Variants in APTX observed in about 807,000 individuals in gnomAD.
The protein encoded by APTX is aprataxin, also known as forkhead-associated domain histidine triad-like protein.
A neutral mutation model predicts 42.3 loss-of-function variants in APTX; 33 were observed. That is an observed-to-expected ratio of 0.78 (90% CI 0.59 to 1.04). The LOEUF is 1.04. Ranked by LOEUF, APTX falls within the 50% of genes least tolerant of loss-of-function variation. The pLI is 0.00. For synonymous variants in APTX, 130 were observed against 146.7 expected (o/e 0.89, Z 0.82); for missense variants, 421 against 415.1 (o/e 1.01, Z -0.12).
intron 1 of APTX, among the ~76,000 whole-genome samples, chr9:33,023,451 G>T (rs947430780): frequency 1.3e-5 from 2 of 151,454 alleles, no homozygotes; most frequent in African/African-American, 4.8e-5. Flanking sequence ...CTAGAACTCC[G>T]GATCTCAGGT....
At position 32,973,054 on chromosome 9, in the gene APTX, A is replaced by T. The variant is rs1323300103; in HGVS notation, c.*444T>A. On this transcript the variant is annotated 3_prime_UTR_variant, in exon 8 of 8. Coordinates refer to ENST00000379817, the MANE Select transcript of APTX (RefSeq NM_001195248.2). Reference sequence around the variant, plus strand: ...ATATTACAAAACAGACTAACAGAAAACAAGACCCATCAGTATCTTCAGGAT... The same window carrying T: ...ATATTACAAAACAGACTAACAGAAATCAAGACCCATCAGTATCTTCAGGAT... The T allele has an allele frequency of 6.6e-6, 3 of 454,462 alleles. No homozygotes were observed. The highest frequency in any genetic ancestry group is 1.3e-5 in the Non-Finnish European group (3 of 227,110). The allele number at this position is 454,462 out of a possible 1,614,324, so 28.2% of individuals were successfully genotyped here.
intron 1 of APTX, among the ~76,000 whole-genome samples, chr9:33,011,255 A>G (rs1345114896): frequency 2.0e-5 from 3 of 152,220 alleles, no homozygotes; most frequent in Non-Finnish European, 4.4e-5. Flanking sequence ...GAAATGAGAA[A>G]CCATTAAAGG....
Position 32,982,116 on chromosome 9 carries a change from T to C in APTX, c.770+2515A>G, listed in dbSNP as rs563461345. ...ACATCATGCCCCCCCATATGACATATTGAGAAGGACACAATCAGAAATATC... is the reference window on the plus strand; with the variant it reads ...ACATCATGCCCCCCCATATGACATACTGAGAAGGACACAATCAGAAATATC... On this transcript the variant is annotated intron_variant, in intron 6 of 7. Transcript: ENST00000379817. 2.0e-5 allele frequency among the ~76,000 whole-genome samples: 3 copies of C among 152,118 alleles called. No individual in the cohort carries two copies. In the East Asian group the frequency reaches 5.8e-4, roughly 29 times the overall value.
chr9:32,982,463 G>A (rs773305928), intron 6 of APTX, among the ~76,000 whole-genome samples: 4 of 152,026 alleles, frequency 2.6e-5, no homozygotes, highest in Non-Finnish European at 5.9e-5. Flanking sequence ...TATTATGAAA[G>A]GTCTTTGTTC....
chr9:33,001,365 G>A, intron 1 of APTX: 1 of 1,530,050 alleles, frequency 6.5e-7, no homozygotes, highest in Non-Finnish European at 8.7e-7. Context: ...CAAACGCAAA[G>A]TGGGTCGAAG....
At chr9:32,983,564 A>G (rs972077650) in intron 6 of APTX, among the ~76,000 whole-genome samples, 1 of 152,230 alleles carries the variant, frequency 6.6e-6, no homozygotes, top group Non-Finnish European at 1.5e-5. Flanking sequence ...ATCTGGCACA[A>G]AGATTTCATT....
chr9:33,006,318 A>G (rs760882487), upstream of APTX, among the ~76,000 whole-genome samples: 9 of 151,606 alleles, frequency 5.9e-5, no homozygotes, highest in African/African-American at 2.0e-4. Flanking sequence ...CTCTTGGGGG[A>G]AAAATCAATA....
At chr9:32,977,573 G>C (rs767647101) in intron 6 of APTX, among the ~76,000 whole-genome samples, 2 of 151,846 alleles carry the variant, frequency 1.3e-5, no homozygotes, top group Non-Finnish European at 2.9e-5. Flanking sequence ...GCTCACACCT[G>C]TAATCCCAGT....
At position 32,976,728 on chromosome 9, in the gene APTX, G is replaced by A. The variant is rs188588433; in HGVS notation, c.771-2167C>T. On this transcript the variant is annotated intron_variant, in intron 6 of 7. Coordinates refer to ENST00000379817, the MANE Select transcript of APTX (RefSeq NM_001195248.2). The stretch of plus-strand genomic sequence containing the variant: ...CTAAAACAGTGTTCTTCTCCAAAAC[G>A]AAAATACTCTACAAACAGTAAATAA... Among the ~76,000 whole-genome samples, 717 of 152,182 alleles carry A rather than the reference G, an allele frequency of 4.7e-3. 2 individuals carry two copies. The highest frequency in any genetic ancestry group is 7.7e-3 in the Non-Finnish European group (522 of 67,984).
intron 1 of APTX, among the ~76,000 whole-genome samples, chr9:32,990,431 C>T (rs1450581514): frequency 6.6e-6 from 1 of 152,090 alleles, no homozygotes; most frequent in South Asian, 2.1e-4. Context: ...CCTCTGCCTC[C>T]CAAAGTGCTG....
chr9:32,994,509 T>G (rs1170673741), intron 1 of APTX, among the ~76,000 whole-genome samples: 2 of 152,336 alleles, frequency 1.3e-5, no homozygotes, highest in East Asian at 3.9e-4. Flanking sequence ...GCATACCTGC[T>G]TTGTGCTCTG....
At chr9:33,005,658 C>T (rs1049462193), upstream of APTX, among the ~76,000 whole-genome samples, 2 of 151,930 alleles carry the variant, frequency 1.3e-5, no homozygotes, top group South Asian at 4.2e-4. Context: ...TGATCTTGAA[C>T]TCCTGGGCTC....
intron 1 of APTX, among the ~76,000 whole-genome samples, chr9:33,009,779 T>C (rs74919516): frequency 0.071 from 10,702 of 151,588 alleles, 512 homozygotes; most frequent in Non-Finnish European, 0.11. Context: ...AGGGCGATAC[T>C]CTGTCTCTAA....
intron 6 of APTX, among the ~76,000 whole-genome samples, chr9:32,978,677 A>C (rs1048046828): frequency 2.0e-5 from 3 of 152,200 alleles, no homozygotes; most frequent in African/African-American, 7.2e-5. Context: ...TAAATAATAG[A>C]CAGCAGATTT....
At chr9:33,000,452 C>G (rs140576083) in intron 1 of APTX, among the ~76,000 whole-genome samples, 10,715 of 151,652 alleles carry the variant, frequency 0.071, 512 homozygotes, top group Non-Finnish European at 0.11. Context: ...CATGGTGAAA[C>G]CCCATCTCTA....
chr9:33,012,406 C>G (rs12379199), intron 1 of APTX, among the ~76,000 whole-genome samples: 10,732 of 152,286 alleles, frequency 0.07, 514 homozygotes, highest in Non-Finnish European at 0.11. Context: ...TCCTACCCTT[C>G]CATAGTCCCC....
chr9:33,009,483 C>G (rs1358733601), intron 1 of APTX, among the ~76,000 whole-genome samples: 1 of 152,088 alleles, frequency 6.6e-6, no homozygotes, highest in African/African-American at 2.4e-5. Flanking sequence ...CCCTCCAATC[C>G]AATCACACTG....
intron 1 of APTX, among the ~76,000 whole-genome samples, chr9:32,996,383 C>T (rs1288472448): frequency 6.6e-6 from 1 of 151,968 alleles, no homozygotes; most frequent in Non-Finnish European, 1.5e-5. Flanking sequence ...TAAAGTGGTC[C>T]TCCAGCCTCA....
intron 1 of APTX, among the ~76,000 whole-genome samples, chr9:33,008,808 T>A (rs1242070911): frequency 6.6e-6 from 1 of 152,168 alleles, no homozygotes; most frequent in African/African-American, 2.4e-5. Context: ...CGCCTCTACC[T>A]CCCAAAGTGC....
Sources: allele counts gnomAD v4.1 joint callset (sites outside exome capture counted in the v4.1 genomes callset), GRCh38; gene constraint gnomAD v4.1.1; transcripts MANE v1.5; gene names NCBI Gene and HGNC (gene_info 2026-07-23, HGNC 2026-07-21).